The following FGD6 variants were observed in gnomAD, a reference collection of about 807,000 sequenced individuals.
The protein encoded by FGD6 is FYVE, RhoGEF and PH domain containing 6.
Under a neutral mutation model 149.4 loss-of-function variants are expected in FGD6, and 90 were observed. The ratio of observed to expected loss-of-function variants is 0.60; its 90% CI spans 0.51 to 0.72. The LOEUF (loss-of-function observed/expected upper bound fraction) is 0.72. Ranked by LOEUF, FGD6 falls within the 30% of genes least tolerant of loss-of-function variation. FGD6 has a pLI of 0.00. For synonymous variants in FGD6, 527 were observed against 584.0 expected (o/e 0.90, Z 1.41); for missense variants, 1,437 against 1,684.8 (o/e 0.85, Z 2.57).
chr12:95,193,725 C>T (rs1286163620), intron 2 of FGD6, among the ~76,000 whole-genome samples: 1 of 151,908 alleles, frequency 6.6e-6, no homozygotes, highest in East Asian at 1.9e-4. Context: ...GACAGGGTTT[C>T]ACCATGTTGG....
chr12:95,089,010 A>C (rs1877965718), intron 18 of FGD6, among the ~76,000 whole-genome samples: 1 of 152,248 alleles, frequency 6.6e-6, no homozygotes, highest in Non-Finnish European at 1.5e-5. Context: ...CCAAAATGGC[A>C]ATGCTGTTTG....
At chr12:95,196,567 G>A (rs148859116) in intron 2 of FGD6, among the ~76,000 whole-genome samples, 1 of 152,072 alleles carries the variant, frequency 6.6e-6, no homozygotes, top group Non-Finnish European at 1.5e-5. Context: ...CTATGACTAT[G>A]GCATTTATTC....
chr12:95,202,772 A>C (rs2056669859), intron 2 of FGD6, among the ~76,000 whole-genome samples: 12 of 152,216 alleles, frequency 7.9e-5, no homozygotes. Context: ...GCAATTTCAA[A>C]TGCAGGGTAA....
chr12:95,083,030 T>TATATATATACACACACACACACAC lies in FGD6; in HGVS notation c.4256+1467_4256+1468insGTGTGTGTGTGTGTGTATATATAT, dbSNP rs772685891. On this transcript the variant is annotated intron_variant, in intron 20 of 20. Coordinates refer to ENST00000343958, the MANE Select transcript of FGD6 (RefSeq NM_018351.4). ...AAAAAAAAATATATATATATATATA[T>TATATATATACACACACACACACAC]ACACACACATACACACACACACACA... Among the ~76,000 whole-genome samples, 40 of 56,562 alleles carry TATATATATACACACACACACACAC rather than the reference T, an allele frequency of 7.1e-4. 1 individual carries two copies. The highest frequency in any genetic ancestry group is 0.014 in the Middle Eastern group (1 of 74). 37.1% of individuals were successfully genotyped at this position (56,562 alleles called of 152,430 possible).
At chr12:95,190,505 T>G (rs191373276) in intron 2 of FGD6, among the ~76,000 whole-genome samples, 1 of 152,266 alleles carries the variant, frequency 6.6e-6, no homozygotes, top group East Asian at 1.9e-4. Context: ...TTCTAAAAGA[T>G]TTTATAGCTC....
chr12:95,112,029 T>C (rs1179551077), intron 9 of FGD6, among the ~76,000 whole-genome samples: 7 of 151,162 alleles, frequency 4.6e-5, no homozygotes, highest in African/African-American at 7.3e-5. Context: ...AGCTCAGGAG[T>C]TCGAGACCAG....
intron 2 of FGD6, among the ~76,000 whole-genome samples, chr12:95,200,395 A>C (rs1480148234): frequency 6.6e-6 from 1 of 152,190 alleles, no homozygotes; most frequent in Non-Finnish European, 1.5e-5. Context: ...AAACCAAAAT[A>C]CTTTGATAAA....
rs775108902 is a variant in FGD6 at position 95,091,820 on chromosome 12, A to G, written c.3748-11T>C. 2.5e-5 allele frequency: 39 copies of G among 1,578,798 alleles called. No homozygotes were observed. The Admixed American group carries it at 3.6e-4, about 14-fold the overall frequency. The stretch of plus-strand genomic sequence containing the variant: ...AGCTTGGCATACAATCTGAAAACAC[A>G]TTGGAATTATGTCATTAATTTCATT... On this transcript the variant is annotated splice_polypyrimidine_tract_variant and intron_variant, in intron 16 of 20. Coordinates refer to ENST00000343958, the MANE Select transcript of FGD6 (RefSeq NM_018351.4).
At position 95,217,211 on chromosome 12, in the gene FGD6, G is replaced by A; in HGVS notation, c.16+14C>T. 6.2e-7 allele frequency: 1 copy of A among 1,612,596 alleles called. No individual in the cohort carries two copies. Among genetic ancestry groups the A allele is most frequent in the Non-Finnish European group, 8.5e-7 (1 of 1,179,040 alleles). On this transcript the variant is annotated intron_variant, in intron 1 of 20. Coordinates refer to ENST00000343958, the MANE Select transcript of FGD6 (RefSeq NM_018351.4). The stretch of plus-strand genomic sequence containing the variant: ...CACAAACTTTCCCGCGGCAGCGCGA[G>A]CGCCGTCACTTACCGGCTGCAGAAG...
At chr12:95,161,874 T>A (rs1880651640) in intron 3 of FGD6, among the ~76,000 whole-genome samples, 1 of 152,142 alleles carries the variant, frequency 6.6e-6, no homozygotes, top group African/African-American at 2.4e-5. Flanking sequence ...ACATTAGTGA[T>A]CATTAGAATC....
chr12:95,116,662 C>T (rs1026995751), intron 8 of FGD6, among the ~76,000 whole-genome samples: 4 of 152,182 alleles, frequency 2.6e-5, no homozygotes, highest in African/African-American at 9.7e-5. Context: ...TGCTATTAAT[C>T]AAGGAAGTAA....
intron 9 of FGD6, among the ~76,000 whole-genome samples, chr12:95,112,242 A>T (rs200761600): frequency 2.0e-4 from 4 of 20,238 alleles, no homozygotes; most frequent in Non-Finnish European, 4.6e-4. Context: ...TCAAAAAATT[A>T]AAAAAAAAAA....
At chr12:95,198,597 G>A (rs1301619047) in intron 2 of FGD6, among the ~76,000 whole-genome samples, 2 of 151,998 alleles carry the variant, frequency 1.3e-5, no homozygotes, top group East Asian at 1.9e-4. Flanking sequence ...CCGCCACCAC[G>A]CCCGGCTAAT....
intron 13 of FGD6, among the ~76,000 whole-genome samples, chr12:95,105,813 C>G (rs994324356): frequency 3.9e-5 from 6 of 152,130 alleles, no homozygotes; most frequent in African/African-American, 1.4e-4. Context: ...CACTTGAGGT[C>G]AGGACTTTGA....
chr12:95,083,030 T>TATATACACACACACAC (rs772685891), intron 20 of FGD6, among the ~76,000 whole-genome samples: 5 of 56,592 alleles, frequency 8.8e-5, no homozygotes, highest in African/African-American at 1.6e-4. Context: ...TATATATATA[T>TATATACACACACACAC]ACACACACAT....
At chr12:95,148,511 ATAT>A (rs1880082206) in intron 5 of FGD6, among the ~76,000 whole-genome samples, 1 of 116,954 alleles carries the variant, frequency 8.6e-6, no homozygotes, top group African/African-American at 3.1e-5. Flanking sequence ...TATATAGCAT[ATAT>A]TATATTATAT....
rs1487403222 is a variant in FGD6, at chr12:95,081,530, G to T, written c.4283C>A (p.Thr1428Lys). ...QKWIEAFQEG[T>K]IL ...ATGAAACCAATACTGCTACAATATT[G>T]TGCCTTCCTGAAATGCTTCTATCCA... The change falls in exon 21 of 21, where the codon ACA becomes AAA. Residue 1428 changes from threonine (T) to lysine (K), a missense_variant. Thr to Lys is a moderately conservative substitution (Grantham distance 78, BLOSUM62 -1). Coordinates refer to ENST00000343958, the MANE Select transcript of FGD6 (RefSeq NM_018351.4). The T allele has an allele frequency of 6.2e-7, 1 of 1,604,704 alleles. No individual in the cohort carries two copies. Among genetic ancestry groups the T allele is most frequent in the Non-Finnish European group, 8.5e-7 (1 of 1,175,882 alleles).
rs868569172 is a variant in FGD6 at position 95,144,416 on chromosome 12, G to C, written c.2686-2877C>G. Among the ~76,000 whole-genome samples the C allele has an allele frequency of 3.4e-5, 5 of 146,898 alleles. No homozygotes were observed. In the South Asian group the frequency reaches 1.1e-3, roughly 31 times the overall value. On this transcript the variant is annotated intron_variant, in intron 5 of 20. Transcript: ENST00000343958. ...AGAGTTACTTTTTTTTTTTGAGACAGAGTTTCACTCTGGTTGCCCAGGCTG... is the reference window on the plus strand; with the variant it reads ...AGAGTTACTTTTTTTTTTTGAGACACAGTTTCACTCTGGTTGCCCAGGCTG...
intron 2 of FGD6, among the ~76,000 whole-genome samples, chr12:95,201,618 C>T (rs534780332): frequency 2.4e-4 from 37 of 152,182 alleles, no homozygotes; most frequent in African/African-American, 8.9e-4. Flanking sequence ...ACAAGAAGTG[C>T]AAATACTTAG....
Sources: allele counts gnomAD v4.1 joint callset (sites outside exome capture counted in the v4.1 genomes callset), GRCh38; gene constraint gnomAD v4.1.1; transcripts MANE v1.5; gene names NCBI Gene and HGNC (gene_info 2026-07-23, HGNC 2026-07-21).